The following CEMIP2 variants were observed in gnomAD, a reference collection of about 807,000 sequenced individuals.
CEMIP2 encodes the protein cell surface hyaluronidase CEMIP2.
A neutral mutation model predicts 146.9 loss-of-function variants in CEMIP2; 79 were observed. The ratio of observed to expected loss-of-function variants is 0.54; its 90% CI spans 0.45 to 0.65. The LOEUF (loss-of-function observed/expected upper bound fraction) is 0.65, where lower values mean the gene tolerates loss of function less well. Among genes scored for constraint, CEMIP2 ranks in the 30% least tolerant of loss-of-function variants. CEMIP2 has a pLI of 0.00. For missense variants in CEMIP2, 1,596 were observed against 1,696.2 expected, an observed-to-expected ratio of 0.94 and a Z score of 1.04; for synonymous variants, 601 against 606.3, an observed-to-expected ratio of 0.99 and a Z score of 0.13.
At chr9:71,749,912 A>G (rs1824194860) in intron 2 of CEMIP2, 131 bp downstream of exon 2, 2 of 683,478 alleles carry the variant, frequency 2.9e-6, no homozygotes, top group East Asian at 5.6e-5. Flanking sequence ...ATAAGAAGTG[A>G]CACCTCGTAT....
chr9:71,749,329 C>G (rs1043932381), intron 2 of CEMIP2, among the ~76,000 whole-genome samples: 5 of 152,018 alleles, frequency 3.3e-5, no homozygotes, highest in African/African-American at 1.2e-4. Flanking sequence ...CCATTTCAAG[C>G]CACAAACACA....
chr9:71,706,057 C>T (rs944670180), intron 17 of CEMIP2, among the ~76,000 whole-genome samples: 2 of 151,754 alleles, frequency 1.3e-5, no homozygotes, highest in Non-Finnish European at 2.9e-5. Flanking sequence ...GGTGAAATCC[C>T]GTCTCTATTA....
chr9:71,711,300 A>G (rs1330465574), intron 16 of CEMIP2, among the ~76,000 whole-genome samples: 1 of 151,982 alleles, frequency 6.6e-6, no homozygotes, highest in African/African-American at 2.4e-5. Context: ...AGTGGCTCAC[A>G]CCTACACTCC....
intron 10 of CEMIP2, among the ~76,000 whole-genome samples, chr9:71,728,209 C>CTCTCTCTCTCTCTCTCTCTA (rs1823449148): frequency 2.1e-4 from 8 of 38,008 alleles, no homozygotes; most frequent in African/African-American, 6.3e-4. Context: ...CTCTCTCTCT[C>CTCTCTCTCTCTCTCTCTCTA]TCTCTCTCTC....
intron 1 of CEMIP2, among the ~76,000 whole-genome samples, chr9:71,755,961 C>CAAA (rs55972127): frequency 0.018 from 957 of 52,830 alleles, 191 homozygotes; most frequent in African/African-American, 0.058. Context: ...CTCTGTCTCA[C>CAAA]AAAAAAAAAA....
chr9:71,745,417 T>G lies in CEMIP2; in HGVS notation c.635A>C (p.Glu212Ala). 1 of 1,614,166 alleles carries G rather than the reference T, an allele frequency of 6.2e-7. No homozygotes were observed. The change falls in exon 4 of 24, where the codon GAA (glutamate) becomes GCA (alanine). Residue 212 changes from glutamate (E) to alanine (A), a missense_variant. Transcript: ENST00000377044. ...CTTTTTGCCAAATGTTGGCATACTT[T>G]CACCTTCATCTGACTTGCCATACAA... ...ITLYGKSDEG[E>A]SMPTFGKKFI...
At chr9:71,711,594 G>GA (rs201246178) in intron 16 of CEMIP2, among the ~76,000 whole-genome samples, 7,662 of 132,244 alleles carry the variant, frequency 0.058, 290 homozygotes, top group Admixed American at 0.11. Context: ...CTGCCTCAAA[G>GA]AAAAAAAAAA....
In CEMIP2 at chr9:71,683,527, C is replaced by CACAT. The variant is rs1563987744; in HGVS notation, c.*1669_*1670insATGT. 2.5e-5 allele frequency: 1 copy of CACAT among 40,638 alleles called. No individual in the cohort carries two copies. Among genetic ancestry groups the CACAT allele is most frequent in the East Asian group, 8.6e-3 (1 of 116 alleles). 2.5% of individuals were successfully genotyped at this position (40,638 alleles called of 1,614,324 possible). A position where few individuals can be genotyped will look rare whatever the true frequency, so the allele number is the denominator to read the frequency against. The stretch of plus-strand genomic sequence containing the variant: ...AGATATTTAAGTCATAAAACACACA[C>CACAT]ACACACACACACACACACACACACT... On this transcript the variant is annotated 3_prime_UTR_variant, in exon 24 of 24. Coordinates refer to ENST00000377044, the MANE Select transcript of CEMIP2 (RefSeq NM_013390.3).
At chr9:71,698,305 A>G in intron 19 of CEMIP2, 101 bp from the exon 20 acceptor site, 1 of 939,540 alleles carries the variant, frequency 1.1e-6, no homozygotes, top group South Asian at 1.6e-5. Flanking sequence ...TCCTCCAATT[A>G]GTAACTTTTC....
rs372321194 is a variant in CEMIP2 at position 71,722,438 on chromosome 9, G to A, written c.2256C>T (p.Asp752=). Residue 752 remains aspartate (D), a synonymous_variant, in exon 12 of 24, where the codon GAC becomes GAT. Coordinates refer to ENST00000377044, the MANE Select transcript of CEMIP2 (RefSeq NM_013390.3). ...AADPREYLCL[D]NSARFRPHQD... The stretch of plus-strand genomic sequence containing the variant: ...AGAGCCAGCTTTACCTTGCACTATT[G>A]TCCAAACAGAGGTATTCCCTTGGGT... 12 of 1,613,080 alleles carry A rather than the reference G, an allele frequency of 7.4e-6. No homozygotes were observed. Among genetic ancestry groups the A allele is most frequent in the Non-Finnish European group, 1.0e-5 (12 of 1,179,626 alleles).
At chr9:71,698,268 A>T in intron 19 of CEMIP2, 64 bp from the exon 20 acceptor site, 1 of 1,443,350 alleles carries the variant, frequency 6.9e-7, no homozygotes, top group Non-Finnish European at 9.6e-7. Flanking sequence ...AAAATTCCTC[A>T]AATCAGCTCA....
At chr9:71,757,013 T>TA (rs1443417768) in intron 1 of CEMIP2, among the ~76,000 whole-genome samples, 1 of 152,192 alleles carries the variant, frequency 6.6e-6, no homozygotes, top group Non-Finnish European at 1.5e-5. Context: ...AAAAGGGATT[T>TA]TAGTGTTCTT....
At position 71,685,509 on chromosome 9, in the gene CEMIP2, A is replaced by G. The variant is rs548529433; in HGVS notation, c.3956-116T>C. Reference sequence around the variant, plus strand: ...GCAAAACAAAGGCAGCTATTAAAAAACTCTGCACTTCCTTACATCAGCAAA... The same window carrying G: ...GCAAAACAAAGGCAGCTATTAAAAAGCTCTGCACTTCCTTACATCAGCAAA... On this transcript the variant is annotated intron_variant, in intron 23 of 23. Transcript: ENST00000377044. 2.4e-6 allele frequency: 3 copies of G among 1,228,918 alleles called. No homozygotes were observed. The South Asian group carries it at 5.4e-5, about 22-fold the overall frequency. 76.1% of individuals were successfully genotyped at this position (1,228,918 alleles called of 1,614,324 possible).
In CEMIP2 at chr9:71,729,883, T is replaced by A. The variant is rs1264264557; in HGVS notation, c.2011A>T (p.Asn671Tyr). The change falls in exon 10 of 24, where the codon AAC becomes TAC. Residue 671 changes from asparagine to tyrosine, a missense_variant. By Grantham distance (143) the Asn-to-Tyr change is moderately radical (BLOSUM62 -2). Coordinates refer to ENST00000377044, the MANE Select transcript of CEMIP2 (RefSeq NM_013390.3). ...AVSTFWIAHPNNNLINNAAAG... is the reference protein window; with the variant it reads ...AVSTFWIAHPYNNLINNAAAG... ...GCTGCATTATTAATCAGATTATTGT[T>A]GGGATGAGCAATCCAGAAAGTTGAA... is the stretch of plus-strand genomic sequence containing the variant. The A allele has an allele frequency of 6.2e-7, 1 of 1,614,224 alleles. No individual in the cohort carries two copies. Among genetic ancestry groups the A allele is most frequent in the East Asian group, 2.2e-5 (1 of 44,892 alleles).
intron 1 of CEMIP2, among the ~76,000 whole-genome samples, chr9:71,763,208 A>G (rs995408594): frequency 6.6e-6 from 1 of 152,150 alleles, no homozygotes; most frequent in Non-Finnish European, 1.5e-5. Flanking sequence ...ATGTGAAAAA[A>G]TGATTCATTC....
chr9:71,750,260 A>AG lies in CEMIP2; in HGVS notation c.113dup (p.Pro39SerfsTer27). ...CTGAAGCTTGACTCTTTGGAGGAGG[A>AG]GGGGGACGCAATGGGACAACCTTCC... On this transcript the variant is annotated frameshift_variant, in exon 2 of 24. Coordinates refer to ENST00000377044, the MANE Select transcript of CEMIP2 (RefSeq NM_013390.3). LOFTEE classifies it high-confidence loss of function. 1 of 1,613,918 alleles carries AG rather than the reference A, an allele frequency of 6.2e-7. No homozygotes were observed. The highest frequency in any genetic ancestry group is 8.5e-7 in the Non-Finnish European group (1 of 1,179,970).
intron 10 of CEMIP2, among the ~76,000 whole-genome samples, chr9:71,728,467 G>T (rs1250062218): frequency 6.7e-6 from 1 of 148,980 alleles, no homozygotes; most frequent in Admixed American, 6.7e-5. Flanking sequence ...GGGTGACAGA[G>T]CAAGACCCTG....
At position 71,699,462 on chromosome 9, in the gene CEMIP2, A is replaced by AAAAG. The variant is rs1554681070; in HGVS notation, c.3377+1176_3377+1179dup. ...GGATACACCGTCTCTTAAAAAAAAA[A>AAAAG]AAAGAAAGAAAGAAAGAAAAAGAAA... On this transcript the variant is annotated intron_variant, in intron 19 of 23. Transcript: ENST00000377044. 1,442 of 419,128 alleles carry AAAAG rather than the reference A, an allele frequency of 3.4e-3. 1 individual carries two copies. Among genetic ancestry groups the AAAAG allele is most frequent in the South Asian group, 0.015 (823 of 56,674 alleles). The allele number at this position is 419,128 out of a possible 1,614,324, so 26.0% of individuals were successfully genotyped here.
At chr9:71,723,218 A>G (rs1823292694) in intron 11 of CEMIP2, among the ~76,000 whole-genome samples, 1 of 151,898 alleles carries the variant, frequency 6.6e-6, no homozygotes, top group Non-Finnish European at 1.5e-5. Flanking sequence ...GCTAAAGAGG[A>G]GCAAACATCA....
Sources: allele counts gnomAD v4.1 joint callset (sites outside exome capture counted in the v4.1 genomes callset), GRCh38; gene constraint gnomAD v4.1.1; transcripts MANE v1.5; gene names NCBI Gene and HGNC (gene_info 2026-07-23, HGNC 2026-07-21).